Variants in DAB1 observed in about 807,000 individuals in gnomAD.
DAB1 encodes the protein disabled homolog 1.
DAB1 carries 15 observed loss-of-function variants against 64.6 expected under a neutral mutation model. The ratio of observed to expected loss-of-function variants is 0.23; its 90% confidence interval spans 0.16 to 0.36. The LOEUF is 0.36. Ranked by LOEUF, DAB1 falls within the 10% of genes least tolerant of loss-of-function variation. The pLI, the probability that DAB1 is intolerant of heterozygous loss-of-function variation, is 1.00. For synonymous variants in DAB1, 235 were observed against 251.9 expected (o/e 0.93, Z 0.64); for missense variants, 596 against 706.7 (o/e 0.84, Z 1.78).
intron 7 of DAB1, among the ~76,000 whole-genome samples, chr1:57,590,443 T>C (rs1475121483): frequency 6.6e-6 from 1 of 151,806 alleles, no homozygotes; most frequent in Non-Finnish European, 1.5e-5. Flanking sequence ...CCTCAGCCTC[T>C]CAAGTAGCTG....
intron 14 of DAB1, among the ~76,000 whole-genome samples, chr1:57,004,785 T>G (rs1390687072): frequency 6.6e-6 from 1 of 152,102 alleles, no homozygotes; most frequent in African/African-American, 2.4e-5. Flanking sequence ...AATGCATGGG[T>G]TTGGGGAGCC....
chr1:57,062,263 T>C (rs1416350420), intron 9 of DAB1, among the ~76,000 whole-genome samples: 1 of 152,178 alleles, frequency 6.6e-6, no homozygotes, highest in African/African-American at 2.4e-5. Flanking sequence ...GCCCATTGCA[T>C]ATGACCTTTT....
intron 7 of DAB1, among the ~76,000 whole-genome samples, chr1:57,471,758 C>A (rs1353764042): frequency 6.6e-6 from 1 of 152,180 alleles, no homozygotes; most frequent in African/African-American, 2.4e-5. Flanking sequence ...TTGTAAATTA[C>A]CCAGTCTTGG....
intron 7 of DAB1, among the ~76,000 whole-genome samples, chr1:57,463,277 A>G (rs1011868266): frequency 6.6e-6 from 1 of 152,206 alleles, no homozygotes; most frequent in African/African-American, 2.4e-5. Flanking sequence ...CAAGGTTTAG[A>G]GCGAAGTGCA....
rs951305180 is a variant in DAB1, at chr1:57,259,378, G to A, written c.67+31586C>T. Reference sequence around the variant, plus strand: ...GCAGAAGATGCTAAAAGAGTAGGGAGGACAGTTCTGTAATTCAGATTGGCT... The same window carrying A: ...GCAGAAGATGCTAAAAGAGTAGGGAAGACAGTTCTGTAATTCAGATTGGCT... On this transcript the variant is annotated intron_variant, in intron 2 of 14. Transcript: ENST00000371236. Among the ~76,000 whole-genome samples the A allele has an allele frequency of 3.9e-5, 6 of 152,280 alleles. No homozygotes were observed. The East Asian group carries it at 1.2e-3, about 30-fold the overall frequency.
intron 2 of DAB1, among the ~76,000 whole-genome samples, chr1:57,259,983 T>C (rs776349272): frequency 1.1e-4 from 16 of 152,222 alleles, no homozygotes; most frequent in Non-Finnish European, 2.4e-4. Flanking sequence ...TGTTCCTGAT[T>C]GTTAATTCGC....
chr1:57,255,344 T>A lies in DAB1; in HGVS notation c.67+35620A>T, dbSNP rs1669682570. On this transcript the variant is annotated intron_variant, in intron 2 of 14. Coordinates refer to ENST00000371236, the MANE Select transcript of DAB1 (RefSeq NM_001365792.1). Reference sequence around the variant, plus strand: ...GCATCTCCTCTAGCATGACAACTAATATCCAACTCTTCTATATTGTTAAAA... The same window carrying A: ...GCATCTCCTCTAGCATGACAACTAAAATCCAACTCTTCTATATTGTTAAAA... Among the ~76,000 whole-genome samples, 4 of 152,152 alleles carry A rather than the reference T, an allele frequency of 2.6e-5. No homozygotes were observed. The South Asian group carries it at 8.3e-4, about 32-fold the overall frequency.
chr1:58,095,274 T>G (rs1650912833), intron 5 of DAB1, among the ~76,000 whole-genome samples: 1 of 152,168 alleles, frequency 6.6e-6, no homozygotes, highest in African/African-American at 2.4e-5. Context: ...AAACTCTAAT[T>G]TTAGTATTTT....
At chr1:57,141,402 A>C (rs1658579140) in intron 3 of DAB1, among the ~76,000 whole-genome samples, 1 of 152,042 alleles carries the variant, frequency 6.6e-6, no homozygotes, top group Non-Finnish European at 1.5e-5. Context: ...CTTCATTTGC[A>C]TCTCTGGTAG....
chr1:58,288,112 A>C (rs777683570), intron 4 of DAB1, among the ~76,000 whole-genome samples: 15 of 152,062 alleles, frequency 9.9e-5, no homozygotes, highest in African/African-American at 3.6e-4. Flanking sequence ...GAGTCTTTTA[A>C]TCATCTCTGA....
chr1:58,509,021 C>T (rs1646032304), intron 2 of DAB1, among the ~76,000 whole-genome samples: 1 of 152,130 alleles, frequency 6.6e-6, no homozygotes, highest in Non-Finnish European at 1.5e-5. Context: ...GCACTTTGGA[C>T]TAGCATGAAG....
chr1:58,523,692 G>A (rs1001622419), intron 2 of DAB1, among the ~76,000 whole-genome samples: 1 of 152,166 alleles, frequency 6.6e-6, no homozygotes, highest in Non-Finnish European at 1.5e-5. Flanking sequence ...GAGGTCAGGA[G>A]ATCGAGACCA....
chr1:57,453,418 T>C (rs1318533179), intron 7 of DAB1, among the ~76,000 whole-genome samples: 1 of 152,168 alleles, frequency 6.6e-6, no homozygotes, highest in East Asian at 1.9e-4. Context: ...TGGAGAAACA[T>C]CCATGTGCTC....
chr1:57,570,545 A>T (rs1281524731), intron 7 of DAB1, among the ~76,000 whole-genome samples: 3 of 152,034 alleles, frequency 2.0e-5, no homozygotes, highest in African/African-American at 7.3e-5. Context: ...GCCTATTTTT[A>T]TACCAGTACC....
chr1:57,989,022 C>G (rs1646286518), intron 5 of DAB1, among the ~76,000 whole-genome samples: 1 of 152,112 alleles, frequency 6.6e-6, no homozygotes, highest in South Asian at 2.1e-4. Context: ...ACAGCCCTCC[C>G]CTCTGCGAGG....
At chr1:58,539,649 T>C (rs1646573295) in intron 1 of DAB1, among the ~76,000 whole-genome samples, 1 of 152,216 alleles carries the variant, frequency 6.6e-6, no homozygotes, top group South Asian at 2.1e-4. Flanking sequence ...CTTTATCAGT[T>C]TGCAATAACT....
chr1:57,212,053 C>T (rs1242419307), intron 2 of DAB1, among the ~76,000 whole-genome samples: 2 of 152,194 alleles, frequency 1.3e-5, no homozygotes, highest in African/African-American at 4.8e-5. Flanking sequence ...TAGACCTCTA[C>T]ACAGGCAGAG....
intron 2 of DAB1, among the ~76,000 whole-genome samples, chr1:57,216,727 G>A (rs986240531): frequency 2.6e-5 from 4 of 152,064 alleles, no homozygotes; most frequent in East Asian, 1.9e-4. Context: ...TAGTTGAAAA[G>A]GTACATTTAA....
chr1:57,172,538 T>G (rs1661881890), intron 2 of DAB1, among the ~76,000 whole-genome samples: 1 of 152,222 alleles, frequency 6.6e-6, no homozygotes, highest in Admixed American at 6.5e-5. Flanking sequence ...CTCATGGTTC[T>G]GCAGGCTGTA....
Sources: gnomAD v4.1 joint callset for allele counts (sites outside exome capture counted in the v4.1 genomes callset) on GRCh38, gnomAD v4.1.1 for gene constraint, MANE v1.5 for transcripts, NCBI Gene and HGNC (gene_info 2026-07-23, HGNC 2026-07-21) for gene names.